MMP26: variants seen among roughly 807,000 people sequenced by gnomAD.
MMP26 encodes matrix metallopeptidase 26, also known as matrix metalloproteinase-26.
MMP26 carries 33 observed loss-of-function variants against 31.0 expected under a neutral mutation model. That is an observed-to-expected ratio of 1.06 (90% CI 0.81 to 1.42). The LOEUF (loss-of-function observed/expected upper bound fraction) is 1.42, where lower values mean the gene tolerates loss of function less well. Ranked by LOEUF, MMP26 falls within the 40% of genes most tolerant of loss-of-function variation. The pLI is 0.00. For missense variants in MMP26, 347 were observed against 316.1 expected (o/e 1.10, Z -0.74); for synonymous variants, 122 against 114.9 (o/e 1.06, Z -0.40).
chr11:4,951,066 T>C lies in MMP26; in HGVS notation c.-144-37002T>C, dbSNP rs568194021. Among the ~76,000 whole-genome samples, 20 of 124,670 alleles carry C rather than the reference T, an allele frequency of 1.6e-4. 6 individuals carry two copies. In the South Asian group the frequency reaches 4.8e-3, roughly 30 times the overall value. 81.8% of individuals were successfully genotyped at this position (124,670 alleles called of 152,430 possible). Reference sequence around the variant, plus strand: ...GTTTCAAGCAAACACATTCTAAGAATGTCTATAGGAACTTTATCATATTAG... The same window carrying C: ...GTTTCAAGCAAACACATTCTAAGAACGTCTATAGGAACTTTATCATATTAG... On this transcript the variant is annotated intron_variant, in intron 2 of 7. Coordinates refer to ENST00000380390, the MANE Select transcript of MMP26 (RefSeq NM_021801.5).
intron 2 of MMP26, chr11:4,769,836 A>T: frequency 6.2e-7 from 1 of 1,612,764 alleles, no homozygotes; most frequent in Non-Finnish European, 8.5e-7. Flanking sequence ...ATGGAGATCC[A>T]GACATGGGCA....
At chr11:4,798,665 G>C (rs1260298207) in intron 2 of MMP26, among the ~76,000 whole-genome samples, 1 of 152,194 alleles carries the variant, frequency 6.6e-6, no homozygotes, top group Non-Finnish European at 1.5e-5. Flanking sequence ...TTATGGCATA[G>C]AGGAGGAAGT....
At chr11:4,795,046 GA>G (rs1453855978) in intron 2 of MMP26, 2 of 152,200 alleles carry the variant, frequency 1.3e-5, no homozygotes, top group Admixed American at 1.3e-4. Flanking sequence ...GGCAGCTATA[GA>G]AGTTGAATTT....
intron 2 of MMP26, among the ~76,000 whole-genome samples, chr11:4,837,059 A>G (rs1338751735): frequency 6.6e-6 from 1 of 152,118 alleles, no homozygotes; most frequent in Non-Finnish European, 1.5e-5. Context: ...TTGATTGGCA[A>G]ACAAGATCAA....
At chr11:4,844,860 CA>C (rs770347807) in intron 2 of MMP26, among the ~76,000 whole-genome samples, 8 of 152,124 alleles carry the variant, frequency 5.3e-5, no homozygotes, top group Non-Finnish European at 8.8e-5. Flanking sequence ...GAAGGATGTT[CA>C]CTGTCACCAC....
intron 2 of MMP26, among the ~76,000 whole-genome samples, chr11:4,800,621 T>C (rs1396483050): frequency 2.0e-5 from 3 of 152,194 alleles, no homozygotes; most frequent in Non-Finnish European, 4.4e-5. Context: ...CTCTAGCAAG[T>C]GATTTCTCCA....
Position 4,824,648 on chromosome 11 carries a change from A to G in MMP26, c.-145+57307A>G, listed in dbSNP as rs574607729. Among the ~76,000 whole-genome samples the G allele has an allele frequency of 1.4e-3, 206 of 152,222 alleles. 9 individuals are homozygous for G. In the South Asian group the frequency reaches 0.036, roughly 27 times the overall value. On this transcript the variant is annotated intron_variant, in intron 2 of 7. Transcript: ENST00000380390. ...GTAAATTCTCTTGTCCTATAGGATA[A>G]ATCAATTCTAACATGTCAACTTCCC...
intron 2 of MMP26, among the ~76,000 whole-genome samples, chr11:4,897,247 C>T (rs1205071193): frequency 6.6e-6 from 1 of 152,112 alleles, no homozygotes; most frequent in Non-Finnish European, 1.5e-5. Flanking sequence ...TCAAGCAATT[C>T]TCCTGCCTCA....
intron 2 of MMP26, chr11:4,821,717 G>A: frequency 6.2e-7 from 1 of 1,613,972 alleles, no homozygotes; most frequent in South Asian, 1.1e-5. Context: ...CTAAATGCCT[G>A]CATTGCCCAG....
intron 2 of MMP26, among the ~76,000 whole-genome samples, chr11:4,887,106 C>T (rs1850555734): frequency 6.6e-6 from 1 of 151,796 alleles, no homozygotes; most frequent in Non-Finnish European, 1.5e-5. Flanking sequence ...ATTTTCAGAT[C>T]TTATATGATA....
intron 2 of MMP26, among the ~76,000 whole-genome samples, chr11:4,809,631 G>T (rs1849323718): frequency 6.6e-6 from 1 of 152,216 alleles, no homozygotes; most frequent in African/African-American, 2.4e-5. Context: ...GAGCAATAAT[G>T]CTGGAGCAGT....
chr11:4,737,631 G>A (rs1848258670), intron 1 of MMP26, among the ~76,000 whole-genome samples: 2 of 151,856 alleles, frequency 1.3e-5, no homozygotes, highest in Non-Finnish European at 2.9e-5. Flanking sequence ...CAACAAGAGT[G>A]AAACTCTGTC....
intron 2 of MMP26, among the ~76,000 whole-genome samples, chr11:4,970,677 A>T (rs543205930): frequency 6.6e-6 from 1 of 152,226 alleles, no homozygotes; most frequent in East Asian, 1.9e-4. Context: ...GTATTAAGTA[A>T]GGTTGTTTTT....
chr11:4,771,122 G>T (rs1564905953), intron 2 of MMP26, among the ~76,000 whole-genome samples: 2 of 152,178 alleles, frequency 1.3e-5, no homozygotes, highest in African/African-American at 2.4e-5. Flanking sequence ...GGTAGATGGA[G>T]AATTTTTGCA....
chr11:4,935,342 C>T (rs1229638966), intron 2 of MMP26, among the ~76,000 whole-genome samples: 2,522 of 148,430 alleles, frequency 0.017, 53 homozygotes, highest in African/African-American at 0.045. Context: ...GAAGCAATTG[C>T]GAATGGGAGT....
intron 2 of MMP26, among the ~76,000 whole-genome samples, chr11:4,909,793 T>A (rs968473575): frequency 9.2e-5 from 14 of 152,258 alleles, no homozygotes; most frequent in Admixed American, 2.0e-4. Context: ...AGCTGTGCAG[T>A]AACTTACAAG....
At chr11:4,935,570 C>T (rs1221083857) in intron 2 of MMP26, among the ~76,000 whole-genome samples, 11 of 152,002 alleles carry the variant, frequency 7.2e-5, no homozygotes, top group Non-Finnish European at 1.0e-4. Context: ...CCCTTTATTT[C>T]CTTCTCCTGC....
intron 2 of MMP26, among the ~76,000 whole-genome samples, chr11:4,881,060 G>C (rs773046997): frequency 6.6e-6 from 1 of 152,152 alleles, no homozygotes; most frequent in Non-Finnish European, 1.5e-5. Context: ...TACCTGAAGA[G>C]AGAAAGCACT....
At chr11:4,866,414 A>T (rs1454291203) in intron 2 of MMP26, among the ~76,000 whole-genome samples, 2 of 152,130 alleles carry the variant, frequency 1.3e-5, no homozygotes, top group Non-Finnish European at 2.9e-5. Flanking sequence ...AAAACCTATG[A>T]GACTTTTAAG....
Sources: gnomAD v4.1 joint callset for allele counts (sites outside exome capture counted in the v4.1 genomes callset) on GRCh38, gnomAD v4.1.1 for gene constraint, MANE v1.5 for transcripts, NCBI Gene and HGNC (gene_info 2026-07-23, HGNC 2026-07-21) for gene names.